Variants in CCDC171 observed in about 807,000 individuals in gnomAD.
CCDC171 encodes the protein coiled-coil domain containing 171, also known as coiled-coil domain-containing protein 171.
Under a neutral mutation model 168.2 loss-of-function variants are expected in CCDC171, and 177 were observed. That is an observed-to-expected ratio of 1.05 (90% CI 0.93 to 1.19). The LOEUF is 1.19. Among genes scored for constraint, CCDC171 ranks in the 50% most tolerant of loss-of-function variants. The pLI is 0.00. For synonymous variants in CCDC171, 687 were observed against 540.8 expected, an observed-to-expected ratio of 1.27 and a Z score of -3.75; for missense variants, 1,991 against 1,539.0, an observed-to-expected ratio of 1.29 and a Z score of -4.91.
intron 21 of CCDC171, among the ~76,000 whole-genome samples, chr9:15,836,959 C>G (rs2060479701): frequency 6.6e-6 from 1 of 152,118 alleles, no homozygotes; most frequent in African/African-American, 2.4e-5. Flanking sequence ...AATAATTAAT[C>G]TTCTTTCTAG....
At chr9:15,949,984 A>G (rs1261137469) in intron 25 of CCDC171, among the ~76,000 whole-genome samples, 1 of 152,136 alleles carries the variant, frequency 6.6e-6, no homozygotes. Context: ...CGTCCCATCA[A>G]TAGTTAATTT....
At chr9:15,891,392 A>G (rs2131496797) in intron 24 of CCDC171, among the ~76,000 whole-genome samples, 1 of 152,238 alleles carries the variant, frequency 6.6e-6, no homozygotes, top group African/African-American at 2.4e-5. Context: ...ACTACTCTTT[A>G]AGACAATTTT....
chr9:15,777,858 A>ACAAGTTCTT, intron 19 of CCDC171, 32 bp downstream of exon 19: 1 of 1,388,288 alleles, frequency 7.2e-7, no homozygotes, highest in Non-Finnish European at 9.7e-7. Context: ...GTAGTAACCT[A>ACAAGTTCTT]AGAACTTGTA....
chr9:15,796,160 A>G lies in CCDC171; in HGVS notation c.3267+11466A>G, dbSNP rs141825606. Among the ~76,000 whole-genome samples the G allele has an allele frequency of 7.1e-4, 108 of 152,338 alleles. 3 individuals are homozygous for G. Among genetic ancestry groups the G allele is most frequent in the African/African-American group, 2.3e-3 (94 of 41,570 alleles). On this transcript the variant is annotated intron_variant, in intron 21 of 25. Coordinates refer to ENST00000380701, the MANE Select transcript of CCDC171 (RefSeq NM_173550.4). ...TTTCAAGCATTCTAAGAGATAAGGT[A>G]TGAATAGAAGTTGTAAGTTAAGACA...
At chr9:15,677,853 A>G (rs199923809) in intron 9 of CCDC171, among the ~76,000 whole-genome samples, 14 of 66,970 alleles carry the variant, frequency 2.1e-4, no homozygotes, top group Non-Finnish European at 2.8e-4. Context: ...GTGTGTGTGT[A>G]TGTATATATA....
chr9:15,650,291 C>G (rs928465968), intron 7 of CCDC171, among the ~76,000 whole-genome samples: 4 of 151,942 alleles, frequency 2.6e-5, no homozygotes, highest in Non-Finnish European at 5.9e-5. Context: ...ACAGATATAC[C>G]TAATGTAAAT....
chr9:16,045,629 G>A (rs1006374234), intron 1 of CCDC171, among the ~76,000 whole-genome samples: 2 of 152,164 alleles, frequency 1.3e-5, no homozygotes, highest in African/African-American at 4.8e-5. Flanking sequence ...GATGGTAAAG[G>A]CCATGGTGAG....
chr9:15,602,744 G>A (rs1003032377), intron 6 of CCDC171, among the ~76,000 whole-genome samples: 5 of 141,470 alleles, frequency 3.5e-5, no homozygotes, highest in Admixed American at 2.9e-4. Flanking sequence ...CAACCTCTCC[G>A]CCTCCCGGGT....
chr9:16,042,165 T>C (rs1833583646), upstream of CCDC171, among the ~76,000 whole-genome samples: 1 of 152,162 alleles, frequency 6.6e-6, no homozygotes, highest in Admixed American at 6.5e-5. Flanking sequence ...GCAGCCTCTC[T>C]GGAATAGTAA....
chr9:15,718,198 G>A (rs2053215843), intron 11 of CCDC171, among the ~76,000 whole-genome samples: 1 of 152,224 alleles, frequency 6.6e-6, no homozygotes, highest in Non-Finnish European at 1.5e-5. Context: ...TAGCCTGGAA[G>A]TACTCCTGGT....
At chr9:15,996,613 T>G (rs1832382154) in intron 3 of CCDC171, among the ~76,000 whole-genome samples, 1 of 151,992 alleles carries the variant, frequency 6.6e-6, no homozygotes, top group Non-Finnish European at 1.5e-5. Flanking sequence ...AATGCTCAAC[T>G]AAAATAGTTT....
At chr9:15,691,546 T>TTATATATATATATA (rs55892512) in intron 10 of CCDC171, among the ~76,000 whole-genome samples, 52 of 106,346 alleles carry the variant, frequency 4.9e-4, no homozygotes, top group South Asian at 1.5e-3. Flanking sequence ...TATATGTTTT[T>TTATATATATATATA]TATATATATA....
At chr9:15,953,629 A>G (rs772602131) in intron 25 of CCDC171, among the ~76,000 whole-genome samples, 3 of 152,108 alleles carry the variant, frequency 2.0e-5, no homozygotes, top group East Asian at 1.9e-4. Context: ...ATATTGACCT[A>G]TAGTTTTCTT....
intron 9 of CCDC171, among the ~76,000 whole-genome samples, chr9:15,676,560 C>G (rs2133363016): frequency 6.6e-6 from 1 of 152,022 alleles, no homozygotes; most frequent in Admixed American, 6.6e-5. Context: ...TTTTAGGTTC[C>G]CTGTACACAG....
chr9:16,040,698 G>A (rs1391201088), upstream of CCDC171, among the ~76,000 whole-genome samples: 1 of 152,178 alleles, frequency 6.6e-6, no homozygotes, highest in Non-Finnish European at 1.5e-5. Flanking sequence ...CTCCTTATAT[G>A]GCTATTTCTC....
chr9:15,604,582 G>T (rs1228990894), intron 6 of CCDC171, among the ~76,000 whole-genome samples: 3 of 152,096 alleles, frequency 2.0e-5, no homozygotes, highest in Non-Finnish European at 4.4e-5. Context: ...AAGCATGGGG[G>T]AGTTTGTGAC....
chr9:15,601,174 T>A (rs399808), intron 6 of CCDC171, among the ~76,000 whole-genome samples: 9,710 of 152,248 alleles, frequency 0.064, 422 homozygotes, highest in African/African-American at 0.12. Context: ...CTCAGTGAGA[T>A]GAACCCGGTA....
chr9:15,679,663 C>A (rs557333508), intron 10 of CCDC171, among the ~76,000 whole-genome samples: 1 of 152,098 alleles, frequency 6.6e-6, no homozygotes, highest in Non-Finnish European at 1.5e-5. Context: ...AATCCTCTTG[C>A]CTCAGCCCCC....
chr9:15,759,898 A>G (rs2135058456), intron 18 of CCDC171, among the ~76,000 whole-genome samples: 1 of 152,282 alleles, frequency 6.6e-6, no homozygotes, highest in Admixed American at 6.5e-5. Context: ...TATTTTCATC[A>G]TAGGACAGGT....
Sources: allele counts gnomAD v4.1 joint callset (sites outside exome capture counted in the v4.1 genomes callset), GRCh38; gene constraint gnomAD v4.1.1; transcripts MANE v1.5; gene names NCBI Gene and HGNC (gene_info 2026-07-23, HGNC 2026-07-21).